WDPCP: variants seen among roughly 807,000 people sequenced by gnomAD.
WDPCP encodes WD repeat containing planar cell polarity effector.
In WDPCP, 71 loss-of-function variants were observed where a neutral mutation model predicts 93.1. The observed-to-expected ratio is 0.76, with a 90% CI of 0.63 to 0.93. The LOEUF is 0.93. Ranked by LOEUF, WDPCP falls within the 40% of genes least tolerant of loss-of-function variation. WDPCP has a pLI of 0.00. For missense variants in WDPCP, 844 were observed against 887.4 expected (o/e 0.95, Z 0.62); for synonymous variants, 315 against 315.0 (o/e 1.00, Z 0.00).
chr2:63,549,902 G>A (rs898661586), intron 1 of WDPCP, among the ~76,000 whole-genome samples: 1 of 152,108 alleles, frequency 6.6e-6, no homozygotes, highest in African/African-American at 2.4e-5. Context: ...AAGAAAGGGA[G>A]ATGTGAAATT....
Position 63,468,532 on chromosome 2 carries a change from A to G in WDPCP, c.384+16072T>C, listed in dbSNP as rs142077002. On this transcript the variant is annotated intron_variant, in intron 6 of 17. Transcript: ENST00000272321. Reference sequence around the variant, plus strand: ...CTACCTCACACTTCTAAGTAACATGATATGTTAGTTAGAAATGCATTCTTG... The same window carrying G: ...CTACCTCACACTTCTAAGTAACATGGTATGTTAGTTAGAAATGCATTCTTG... Among the ~76,000 whole-genome samples, 16 of 152,266 alleles carry G rather than the reference A, an allele frequency of 1.1e-4. No homozygotes were observed. The East Asian group carries it at 2.5e-3, about 24-fold the overall frequency.
chr2:63,304,514 G>A (rs1685569608), intron 13 of WDPCP, among the ~76,000 whole-genome samples: 1 of 152,182 alleles, frequency 6.6e-6, no homozygotes, highest in Admixed American at 6.5e-5. Flanking sequence ...AAGGGAAGCT[G>A]TGAGGGACTG....
intron 2 of WDPCP, among the ~76,000 whole-genome samples, chr2:63,677,414 T>G (rs1267856660): frequency 6.6e-6 from 1 of 151,928 alleles, no homozygotes; most frequent in African/African-American, 2.4e-5. Flanking sequence ...CAGCCAAAGA[T>G]TTAAAAATAA....
chr2:63,588,904 C>G (rs1575715362), upstream of WDPCP: 2 of 1,164,862 alleles, frequency 1.7e-6, no homozygotes, highest in Admixed American at 3.5e-5. Flanking sequence ...AACTACAGTT[C>G]CCAGAGAGCG....
intron 15 of WDPCP, among the ~76,000 whole-genome samples, chr2:63,166,730 A>G (rs1035724212): frequency 2.6e-5 from 4 of 152,246 alleles, no homozygotes; most frequent in African/African-American, 4.8e-5. Context: ...ACAATGTGTA[A>G]TAAGCACATC....
At chr2:63,463,709 C>T (rs1416006821) in intron 6 of WDPCP, among the ~76,000 whole-genome samples, 1 of 152,108 alleles carries the variant, frequency 6.6e-6, no homozygotes, top group African/African-American at 2.4e-5. Context: ...AATGATCTTC[C>T]ACAAGGGTGC....
chr2:63,315,645 G>A (rs1037212577), intron 12 of WDPCP, among the ~76,000 whole-genome samples: 4 of 151,986 alleles, frequency 2.6e-5, no homozygotes, highest in Non-Finnish European at 5.9e-5. Flanking sequence ...AGAAATGAGG[G>A]AGTCATGAAA....
At chr2:63,377,334 T>G (rs1691926432) in intron 12 of WDPCP, among the ~76,000 whole-genome samples, 1 of 151,470 alleles carries the variant, frequency 6.6e-6, no homozygotes, top group African/African-American at 2.4e-5. Context: ...AAATTAAAAG[T>G]CTAAAATCAA....
At position 63,550,203 on chromosome 2, in the gene WDPCP, AC is replaced by A. The variant is rs1705490074; in HGVS notation, c.75+37993del. Among the ~76,000 whole-genome samples the A allele has an allele frequency of 7.5e-5, 3 of 40,076 alleles. No homozygotes were observed. In the South Asian group the frequency reaches 2.8e-3, roughly 38 times the overall value. 26.3% of individuals were successfully genotyped at this position (40,076 alleles called of 152,430 possible). ...CTCCCATCTTAAGAAACACACACACACACACACACACACACACACACACACA... is the reference window on the plus strand; with the variant it reads ...CTCCCATCTTAAGAAACACACACACAACACACACACACACACACACACACA... On this transcript the variant is annotated intron_variant, in intron 1 of 17. Coordinates refer to ENST00000272321, the MANE Select transcript of WDPCP (RefSeq NM_015910.7).
intron 1 of WDPCP, among the ~76,000 whole-genome samples, chr2:63,535,741 C>T (rs1390380097): frequency 6.6e-6 from 1 of 152,126 alleles, no homozygotes; most frequent in Non-Finnish European, 1.5e-5. Context: ...AAATGTTAGA[C>T]CTAAAACCAT....
In WDPCP at chr2:63,433,942, A is replaced by C; in HGVS notation, c.634-6T>G. 6.2e-7 allele frequency: 1 copy of C among 1,613,134 alleles called. No individual in the cohort carries two copies. The highest frequency in any genetic ancestry group is 8.5e-7 in the Non-Finnish European group (1 of 1,179,414). On this transcript the variant is annotated splice_region_variant and splice_polypyrimidine_tract_variant and intron_variant, in intron 8 of 17. Transcript: ENST00000272321. ...GGTATTTCATAATAGAAAATCTAAC[A>C]ATTTTAAAAAAGCATACATGAAACA... is the stretch of plus-strand genomic sequence containing the variant.
intron 12 of WDPCP, among the ~76,000 whole-genome samples, chr2:63,353,810 C>T (rs1689808102): frequency 6.6e-6 from 1 of 152,166 alleles, no homozygotes; most frequent in Non-Finnish European, 1.5e-5. Flanking sequence ...GTGATACCTC[C>T]AGGTACTGGA....
intron 2 of WDPCP, among the ~76,000 whole-genome samples, chr2:63,671,677 A>C (rs1710349825): frequency 6.6e-6 from 1 of 151,988 alleles, no homozygotes; most frequent in Admixed American, 6.6e-5. Context: ...CCTCCCTAGT[A>C]GCTGGGATTA....
At chr2:63,129,009 TC>T (rs1441212186) in intron 17 of WDPCP, among the ~76,000 whole-genome samples, 2 of 152,196 alleles carry the variant, frequency 1.3e-5, no homozygotes, top group African/African-American at 4.8e-5. Flanking sequence ...TCCAGGTACT[TC>T]ATATAAGTGG....
At chr2:63,783,594 A>G (rs2066262707) in intron 2 of WDPCP, among the ~76,000 whole-genome samples, 1 of 152,210 alleles carries the variant, frequency 6.6e-6, no homozygotes, top group Non-Finnish European at 1.5e-5. Flanking sequence ...TTCAGCCATA[A>G]AAAAGAATGA....
chr2:63,433,929 T>C lies in WDPCP; in HGVS notation c.641A>G (p.Tyr214Cys), dbSNP rs753967458. Residue 214 changes from tyrosine (Y) to cysteine (C), a missense_variant, in exon 9 of 18, where the codon TAT becomes TGT. By Grantham distance (194) the Tyr-to-Cys change is radical (BLOSUM62 -2). Coordinates refer to ENST00000272321, the MANE Select transcript of WDPCP (RefSeq NM_015910.7). Reference sequence around the variant, plus strand: ...GTTTATTGGGCCGGGTATTTCATAATAGAAAATCTAACAATTTTAAAAAAG... The same window carrying C: ...GTTTATTGGGCCGGGTATTTCATAACAGAAAATCTAACAATTTTAAAAAAG... ...KLSALDYKIFYYEIPGPINKT... is the reference protein window; with the variant it reads ...KLSALDYKIFCYEIPGPINKT... The C allele has an allele frequency of 2.5e-6, 4 of 1,613,700 alleles. No individual in the cohort carries two copies. The highest frequency in any genetic ancestry group is 3.4e-6 in the Non-Finnish European group (4 of 1,179,782).
intron 2 of WDPCP, among the ~76,000 whole-genome samples, chr2:63,793,351 T>C (rs888818878): frequency 6.6e-6 from 1 of 152,220 alleles, no homozygotes; most frequent in Non-Finnish European, 1.5e-5. Flanking sequence ...CTCACACCTG[T>C]AGTCACAACC....
chr2:63,761,070 C>T (rs1370788570), intron 2 of WDPCP, among the ~76,000 whole-genome samples: 2 of 152,210 alleles, frequency 1.3e-5, no homozygotes, highest in Non-Finnish European at 2.9e-5. Context: ...ACGTGTCCCC[C>T]TCTCCAAAGT....
intron 13 of WDPCP, among the ~76,000 whole-genome samples, chr2:63,303,596 C>A (rs987003632): frequency 1.3e-5 from 2 of 152,130 alleles, no homozygotes; most frequent in Admixed American, 1.3e-4. Context: ...AAAACACATA[C>A]CCCTCTGGAG....
Sources: gnomAD v4.1 joint callset for allele counts (sites outside exome capture counted in the v4.1 genomes callset) on GRCh38, gnomAD v4.1.1 for gene constraint, MANE v1.5 for transcripts, NCBI Gene and HGNC (gene_info 2026-07-23, HGNC 2026-07-21) for gene names.